Variants in SLC5A4 observed in about 807,000 individuals in gnomAD.
The protein encoded by SLC5A4 is probable glucose sensor protein SLC5A4.
Under a neutral mutation model 70.3 loss-of-function variants are expected in SLC5A4, and 55 were observed. The ratio of observed to expected loss-of-function variants is 0.78; its 90% CI spans 0.63 to 0.98. The LOEUF is 0.98. SLC5A4 is among the 50% of genes least tolerant of loss of function. The probability of loss-of-function intolerance (pLI) is 0.00; values close to 1 mark genes in which losing one functional copy is unlikely to be tolerated. For missense variants in SLC5A4, 735 were observed against 839.2 expected (o/e 0.88, Z 1.53); for synonymous variants, 268 against 305.7 (o/e 0.88, Z 1.29).
At chr22:32,253,996 G>C in intron 2 of SLC5A4, 146 bp downstream of exon 2, 1 of 726,796 alleles carries the variant, frequency 1.4e-6, no homozygotes, top group Admixed American at 1.8e-5. Context: ...AGTCAGGCTG[G>C]TCTCGAACTC....
At chr22:32,283,651 G>T in the SLC5A4 span, among the ~76,000 whole-genome samples, 1 of 152,144 alleles carries the variant, frequency 6.6e-6, no homozygotes, top group Non-Finnish European at 1.5e-5. Context: ...ATAAATGTAA[G>T]TCACCCTAGG....
At chr22:32,305,779 G>A in the SLC5A4 span, among the ~76,000 whole-genome samples, 1 of 151,400 alleles carries the variant, frequency 6.6e-6, no homozygotes, top group Non-Finnish European at 1.5e-5. Flanking sequence ...AGAGGCACAT[G>A]GCATGTCACA....
the SLC5A4 span, among the ~76,000 whole-genome samples, chr22:32,352,682 G>A: frequency 7.2e-5 from 11 of 152,158 alleles, no homozygotes; most frequent in Admixed American, 1.3e-4. Context: ...CTGCCTTCCC[G>A]GCCCCCAAAC....
chr22:32,237,235 A>G lies in SLC5A4; in HGVS notation c.664+9T>C, dbSNP rs762678099. 14 of 1,600,668 alleles carry G rather than the reference A, an allele frequency of 8.7e-6. No homozygotes were observed. The highest frequency in any genetic ancestry group is 4.5e-5 in the East Asian group (2 of 44,634). On this transcript the variant is annotated intron_variant, in intron 7 of 14. Transcript: ENST00000266086. Reference sequence around the variant, plus strand: ...GGCCCTGGGCACTGCACGCAGGGTCATCACTTACCAAACCCCATGAGAATA... The same window carrying G: ...GGCCCTGGGCACTGCACGCAGGGTCGTCACTTACCAAACCCCATGAGAATA...
the SLC5A4 span, among the ~76,000 whole-genome samples, chr22:32,307,810 T>G: frequency 6.6e-6 from 1 of 152,324 alleles, no homozygotes; most frequent in South Asian, 2.1e-4. Flanking sequence ...CAAAGGGCAG[T>G]GATTAGGGCG....
the SLC5A4 span, among the ~76,000 whole-genome samples, chr22:32,335,974 AG>A: frequency 6.6e-6 from 1 of 152,204 alleles, no homozygotes; most frequent in East Asian, 1.9e-4. Flanking sequence ...AGTTCCAACA[AG>A]CATCTATTCT....
At chr22:32,307,832 T>C in the SLC5A4 span, among the ~76,000 whole-genome samples, 1 of 152,216 alleles carries the variant, frequency 6.6e-6, no homozygotes. Context: ...CATCCAGGCA[T>C]GGCCTGACTG....
At chr22:32,227,221 A>C (rs1356332368) in intron 11 of SLC5A4, among the ~76,000 whole-genome samples, 5 of 152,222 alleles carry the variant, frequency 3.3e-5, no homozygotes, top group Non-Finnish European at 7.3e-5. Flanking sequence ...AGAGAGGGGA[A>C]AAGAAAAAGT....
At chr22:32,269,171 G>A in the SLC5A4 span, among the ~76,000 whole-genome samples, 8 of 152,192 alleles carry the variant, frequency 5.3e-5, no homozygotes, top group African/African-American at 9.6e-5. This position sits in a 1 kb window ranked among gnomAD's most constrained non-coding sequence, Gnocchi z 4.1. Context: ...GATTACAGGC[G>A]TGAGCCACCA....
At chr22:32,304,422 G>A in the SLC5A4 span, among the ~76,000 whole-genome samples, 20 of 149,642 alleles carry the variant, frequency 1.3e-4, no homozygotes, top group African/African-American at 2.7e-4. Context: ...GATTACAGGC[G>A]TGAGCTACCA....
chr22:32,239,103 C>G lies in SLC5A4; in HGVS notation c.478-13G>C, dbSNP rs376192569. The G allele has an allele frequency of 1.7e-5, 27 of 1,597,482 alleles. No homozygotes were observed. In the African/African-American group the frequency reaches 2.4e-4, roughly 14 times the overall value. Reference sequence around the variant, plus strand: ...CAAATATGTCTGCCTAAAAAGGGAACAGTCAGGATGAGAAAGAAACATGCA... The same window carrying G: ...CAAATATGTCTGCCTAAAAAGGGAAGAGTCAGGATGAGAAAGAAACATGCA... On this transcript the variant is annotated splice_polypyrimidine_tract_variant and intron_variant, in intron 5 of 14. Transcript: ENST00000266086.
chr22:32,279,405 T>C, the SLC5A4 span, among the ~76,000 whole-genome samples: 1 of 152,220 alleles, frequency 6.6e-6, no homozygotes, highest in South Asian at 2.1e-4. Flanking sequence ...GAATAATCGC[T>C]GAGAGCTGGA....
chr22:32,317,889 C>A, the SLC5A4 span, among the ~76,000 whole-genome samples: 2 of 152,184 alleles, frequency 1.3e-5, no homozygotes, highest in African/African-American at 4.8e-5. Context: ...CTTTTGCTCT[C>A]CAGTTTCACT....
At chr22:32,304,411 G>A in the SLC5A4 span, among the ~76,000 whole-genome samples, 1 of 151,746 alleles carries the variant, frequency 6.6e-6, no homozygotes, top group African/African-American at 2.4e-5. Flanking sequence ...AAAAGTACTG[G>A]GATTACAGGC....
At chr22:32,313,048 A>T in the SLC5A4 span, among the ~76,000 whole-genome samples, 1 of 152,228 alleles carries the variant, frequency 6.6e-6, no homozygotes, top group Non-Finnish European at 1.5e-5. Context: ...TCATGCAATA[A>T]GGCAAGAAAA....
At chr22:32,330,794 G>GTTT in the SLC5A4 span, among the ~76,000 whole-genome samples, 1 of 40,786 alleles carries the variant, frequency 2.5e-5, no homozygotes. Flanking sequence ...TGTGTGTGTT[G>GTTT]GGGGCTCTGG....
the SLC5A4 span, among the ~76,000 whole-genome samples, chr22:32,315,123 T>C: frequency 1.1e-4 from 17 of 152,308 alleles, no homozygotes; most frequent in Admixed American, 2.0e-4. Flanking sequence ...ATAAAAAGGA[T>C]GAGCAGAAGC....
intron 3 of SLC5A4, among the ~76,000 whole-genome samples, chr22:32,251,149 CAAAA>C (rs1169115054): frequency 0.044 from 1,006 of 22,690 alleles, 2 homozygotes; most frequent in African/African-American, 0.065. Context: ...AACAAATAAG[CAAAA>C]AAAAAAAAAA....
At chr22:32,269,102 AT>A in the SLC5A4 span, among the ~76,000 whole-genome samples, 2 of 152,184 alleles carry the variant, frequency 1.3e-5, no homozygotes, top group African/African-American at 4.8e-5. This position sits in a 1 kb window ranked among gnomAD's most constrained non-coding sequence, Gnocchi z 4.1. Context: ...CATGTTGGCC[AT>A]GGCGGTCTCG....
Sources: gnomAD v4.1 joint callset for allele counts (sites outside exome capture counted in the v4.1 genomes callset) on GRCh38, gnomAD v4.1.1 for gene constraint, Gnocchi (gnomAD v3.1) non-coding constraint, MANE v1.5 for transcripts, NCBI Gene and HGNC (gene_info 2026-07-23, HGNC 2026-07-21) for gene names.